The following STXBP5L variants were observed in gnomAD, a reference collection of about 807,000 sequenced individuals.
STXBP5L encodes syntaxin-binding protein 5-like.
Under a neutral mutation model 144.5 loss-of-function variants are expected in STXBP5L, and 65 were observed. The ratio of observed to expected loss-of-function variants is 0.45; its 90% confidence interval spans 0.37 to 0.55. The LOEUF (loss-of-function observed/expected upper bound fraction) is 0.55, where lower values mean the gene tolerates loss of function less well. Among genes scored for constraint, STXBP5L ranks in the 20% least tolerant of loss-of-function variants. The probability of loss-of-function intolerance (pLI) is 0.00; values close to 1 mark genes in which losing one functional copy is unlikely to be tolerated. For missense variants in STXBP5L, 1,298 were observed against 1,405.5 expected (o/e 0.92, Z 1.22); for synonymous variants, 505 against 469.6 (o/e 1.08, Z -0.97).
chr3:121,121,714 A>G lies in STXBP5L; in HGVS notation c.669+10A>G. The G allele has an allele frequency of 6.3e-7, 1 of 1,578,552 alleles. No homozygotes were observed. The highest frequency in any genetic ancestry group is 8.7e-7 in the Non-Finnish European group (1 of 1,151,702). On this transcript the variant is annotated intron_variant, in intron 7 of 26. Transcript: ENST00000471454. ...AAGAGATGAAGGCAAAGTGAGTATT[A>G]TGATATCTTTATTATTAGTTTTATT... is the stretch of plus-strand genomic sequence containing the variant.
At chr3:120,967,197 G>C (rs1171394421) in intron 3 of STXBP5L, among the ~76,000 whole-genome samples, 1 of 152,060 alleles carries the variant, frequency 6.6e-6, no homozygotes, top group Non-Finnish European at 1.5e-5. Context: ...TTTCCATGTA[G>C]TCTGTCACCG....
intron 5 of STXBP5L, among the ~76,000 whole-genome samples, chr3:121,105,751 G>C (rs1191888539): frequency 6.6e-6 from 1 of 152,038 alleles, no homozygotes; most frequent in Non-Finnish European, 1.5e-5. Flanking sequence ...TAGAACCTGT[G>C]CAGTTAGAAC....
intron 2 of STXBP5L, among the ~76,000 whole-genome samples, chr3:120,952,883 C>T (rs1006326850): frequency 3.9e-5 from 6 of 152,062 alleles, no homozygotes; most frequent in African/African-American, 7.2e-5. Context: ...ACTGCAGCCT[C>T]AACCTCCCAG....
At chr3:121,304,308 G>T (rs2043257735) in intron 19 of STXBP5L, among the ~76,000 whole-genome samples, 1 of 152,008 alleles carries the variant, frequency 6.6e-6, no homozygotes, top group Non-Finnish European at 1.5e-5. Flanking sequence ...TTTCTCTTTT[G>T]TAACTGACAG....
intron 2 of STXBP5L, among the ~76,000 whole-genome samples, chr3:120,948,987 G>C (rs1311248553): frequency 6.6e-6 from 1 of 151,702 alleles, no homozygotes; most frequent in African/African-American, 2.4e-5. Context: ...TATCTATACT[G>C]TTTTCTATAG....
intron 5 of STXBP5L, among the ~76,000 whole-genome samples, chr3:121,110,702 C>A (rs1380784036): frequency 6.6e-6 from 1 of 151,954 alleles, no homozygotes; most frequent in Admixed American, 6.6e-5. Flanking sequence ...ATATTATGTG[C>A]CTTGGGGGTT....
At chr3:121,122,782 G>A (rs1321574412) in intron 7 of STXBP5L, among the ~76,000 whole-genome samples, 3 of 151,380 alleles carry the variant, frequency 2.0e-5, no homozygotes, top group African/African-American at 7.3e-5. Flanking sequence ...GTTAGTTACT[G>A]TGGAGTAGGG....
chr3:121,170,337 A>T (rs930413025), intron 9 of STXBP5L, among the ~76,000 whole-genome samples: 10 of 152,160 alleles, frequency 6.6e-5, no homozygotes, highest in African/African-American at 4.8e-5. Flanking sequence ...ACAAGAAATA[A>T]CTAAGATCAG....
intron 2 of STXBP5L, among the ~76,000 whole-genome samples, chr3:120,930,643 T>C (rs1181741038): frequency 6.6e-6 from 1 of 152,168 alleles, no homozygotes; most frequent in East Asian, 1.9e-4. Flanking sequence ...ACATTTTTAT[T>C]TTAACCAAAT....
At chr3:121,151,661 G>C (rs1260393329) in intron 7 of STXBP5L, among the ~76,000 whole-genome samples, 2 of 151,928 alleles carry the variant, frequency 1.3e-5, no homozygotes, top group African/African-American at 4.8e-5. Context: ...TCATCTTAAG[G>C]CAAATCTGTC....
intron 9 of STXBP5L, among the ~76,000 whole-genome samples, chr3:121,191,050 C>T (rs1391535630): frequency 2.0e-5 from 3 of 151,716 alleles, no homozygotes; most frequent in Non-Finnish European, 4.4e-5. Flanking sequence ...CTCCTCACTT[C>T]CCAGACTGGG....
At chr3:121,169,361 G>A (rs1291070674) in intron 9 of STXBP5L, among the ~76,000 whole-genome samples, 1 of 152,008 alleles carries the variant, frequency 6.6e-6, no homozygotes, top group Non-Finnish European at 1.5e-5. Context: ...CATATAAACG[G>A]GCTAAATGCC....
intron 3 of STXBP5L, among the ~76,000 whole-genome samples, chr3:120,996,394 C>A (rs771239566): frequency 5.9e-5 from 9 of 151,854 alleles, no homozygotes; most frequent in African/African-American, 2.2e-4. Context: ...ATTTTTTGAA[C>A]TGATTACTAT....
intron 3 of STXBP5L, among the ~76,000 whole-genome samples, chr3:120,957,014 G>A (rs1247610072): frequency 2.6e-5 from 4 of 151,736 alleles, no homozygotes; most frequent in Non-Finnish European, 4.4e-5. Flanking sequence ...ATAGTAAAAG[G>A]GTCTAATCTC....
intron 19 of STXBP5L, among the ~76,000 whole-genome samples, chr3:121,288,698 G>A (rs1358842699): frequency 2.0e-5 from 3 of 151,526 alleles, no homozygotes; most frequent in East Asian, 1.9e-4. Flanking sequence ...CATTTTTTTT[G>A]TTACAAATTT....
chr3:121,360,845 A>T (rs528349041), intron 20 of STXBP5L, among the ~76,000 whole-genome samples: 7 of 152,076 alleles, frequency 4.6e-5, no homozygotes, highest in Non-Finnish European at 1.0e-4. Flanking sequence ...ACAGTGTTAT[A>T]ATATTTTATG....
intron 20 of STXBP5L, among the ~76,000 whole-genome samples, chr3:121,339,380 C>T (rs1388115043): frequency 6.6e-6 from 1 of 151,914 alleles, no homozygotes; most frequent in Non-Finnish European, 1.5e-5. Flanking sequence ...TTTTATAAAA[C>T]CCTCAACAAA....
intron 20 of STXBP5L, among the ~76,000 whole-genome samples, chr3:121,352,761 G>A (rs537543053): frequency 6.6e-6 from 1 of 152,024 alleles, no homozygotes; most frequent in Non-Finnish European, 1.5e-5. Flanking sequence ...TCTTGTGCTG[G>A]TTTTCAAAGG....
chr3:121,343,243 G>T (rs1484578005), intron 20 of STXBP5L, among the ~76,000 whole-genome samples: 1 of 151,794 alleles, frequency 6.6e-6, no homozygotes, highest in Non-Finnish European at 1.5e-5. Context: ...CTGGATATTA[G>T]CCCTTTGTCA....
Sources: allele counts gnomAD v4.1 joint callset (sites outside exome capture counted in the v4.1 genomes callset), GRCh38; gene constraint gnomAD v4.1.1; transcripts MANE v1.5; gene names NCBI Gene and HGNC (gene_info 2026-07-23, HGNC 2026-07-21).